DPY19L1: variants seen among roughly 807,000 people sequenced by gnomAD.
DPY19L1 encodes dpy-19 like C-mannosyltransferase 1, also known as protein C-mannosyl-transferase DPY19L1.
A neutral mutation model predicts 96.9 loss-of-function variants in DPY19L1; 35 were observed. That is an observed-to-expected ratio of 0.36 (90% confidence interval 0.28 to 0.48). The LOEUF is 0.48. Among genes scored for constraint, DPY19L1 ranks in the 20% least tolerant of loss-of-function variants. The probability of loss-of-function intolerance (pLI) is 0.99; values close to 1 mark genes in which losing one functional copy is unlikely to be tolerated. For synonymous variants in DPY19L1, 205 were observed against 252.6 expected, an observed-to-expected ratio of 0.81 and a Z score of 1.79; for missense variants, 521 against 777.9, an observed-to-expected ratio of 0.67 and a Z score of 3.93.
At chr7:34,976,950 AT>A (rs376435654) in intron 7 of DPY19L1, among the ~76,000 whole-genome samples, 39,896 of 150,024 alleles carry the variant, frequency 0.27, 5,428 homozygotes, top group Non-Finnish European at 0.31. Context: ...CACCCAGCTA[AT>A]TTTTTTTTTG....
At chr7:34,965,245 A>T (rs1300330882) in intron 10 of DPY19L1, among the ~76,000 whole-genome samples, 2 of 152,130 alleles carry the variant, frequency 1.3e-5, no homozygotes, top group Non-Finnish European at 2.9e-5. Context: ...AGAGAACCTA[A>T]ATGTCCTTCA....
At chr7:34,998,473 A>T (rs771875929) in intron 6 of DPY19L1, among the ~76,000 whole-genome samples, 19 of 152,216 alleles carry the variant, frequency 1.2e-4, no homozygotes, top group Admixed American at 1.2e-3. Flanking sequence ...TGCCTCAGAA[A>T]GTGTGTGCTC....
rs893229484 is a variant in DPY19L1 at position 35,006,090 on chromosome 7, T to C, written c.764+4378A>G. On this transcript the variant is annotated intron_variant, in intron 6 of 21. Coordinates refer to ENST00000638088, the MANE Select transcript of DPY19L1 (RefSeq NM_001366673.1). ...AGTCAGAGTATTTCTGGCACCCTTT[T>C]CAAAAGAGAAAGAAAAAATCTCCTG... 1.6e-4 allele frequency among the ~76,000 whole-genome samples: 24 copies of C among 152,292 alleles called. 1 individual carries two copies. The highest frequency in any genetic ancestry group is 6.8e-3 in the Middle Eastern group (2 of 294).
In DPY19L1 at chr7:34,959,919, A is replaced by ATT. The variant is rs1562806936; in HGVS notation, c.1093-1850_1093-1849insAA. Reference sequence around the variant, plus strand: ...TATAAATATATATATATATATATATATATATTTATATATATATATATATAT... The same window carrying ATT: ...TATAAATATATATATATATATATATATTTATATTTATATATATATATATATAT... On this transcript the variant is annotated intron_variant, in intron 10 of 21. Coordinates refer to ENST00000638088, the MANE Select transcript of DPY19L1 (RefSeq NM_001366673.1). Among the ~76,000 whole-genome samples, 49 of 15,580 alleles carry ATT rather than the reference A, an allele frequency of 3.1e-3. 2 individuals carry two copies. The highest frequency in any genetic ancestry group is 0.038 in the Middle Eastern group (1 of 26). The allele number at this position is 15,580 out of a possible 152,430, so 10.2% of individuals were successfully genotyped here.
At chr7:34,968,552 C>A (rs968323583) in intron 9 of DPY19L1, among the ~76,000 whole-genome samples, 17 of 151,982 alleles carry the variant, frequency 1.1e-4, no homozygotes, top group African/African-American at 4.1e-4. Context: ...GGGTGGATCA[C>A]GAAGTCAGGA....
intron 7 of DPY19L1, among the ~76,000 whole-genome samples, chr7:34,976,307 C>T (rs1784828549): frequency 6.6e-6 from 1 of 152,122 alleles, no homozygotes; most frequent in South Asian, 2.1e-4. Context: ...GAAGTAACTG[C>T]AGATGTGATG....
chr7:35,036,798 G>C (rs1389983974), intron 1 of DPY19L1, among the ~76,000 whole-genome samples: 1 of 152,030 alleles, frequency 6.6e-6, no homozygotes. Context: ...CGTTAGCGCA[G>C]ACCTGCTGCC....
chr7:35,026,649 A>G (rs1036537641), intron 1 of DPY19L1, among the ~76,000 whole-genome samples: 3 of 152,220 alleles, frequency 2.0e-5, no homozygotes, highest in Non-Finnish European at 4.4e-5. Flanking sequence ...ACAATCCAGG[A>G]GTAAGATGAC....
rs34797472 is a variant in DPY19L1, at chr7:34,943,634, A to AT, written c.1545-996dup. ...TAGCTATGCAAAATAAAATGTCAAC[A>AT]TGCCACTCCTCTTCCAAAAAAGAGC... On this transcript the variant is annotated intron_variant, in intron 16 of 21. Transcript: ENST00000638088. Among the ~76,000 whole-genome samples, 516 of 152,268 alleles carry AT rather than the reference A, an allele frequency of 3.4e-3. 2 individuals carry two copies. The highest frequency in any genetic ancestry group is 5.9e-3 in the Non-Finnish European group (399 of 68,004).
At chr7:34,960,813 T>C (rs1784486126) in intron 10 of DPY19L1, among the ~76,000 whole-genome samples, 1 of 152,208 alleles carries the variant, frequency 6.6e-6, no homozygotes, top group African/African-American at 2.4e-5. Context: ...ACACCAAAAA[T>C]AGATGTTGAC....
At chr7:35,002,277 C>T (rs1213084839) in intron 6 of DPY19L1, among the ~76,000 whole-genome samples, 1 of 151,578 alleles carries the variant, frequency 6.6e-6, no homozygotes, top group African/African-American at 2.4e-5. Flanking sequence ...AAATAAAATA[C>T]TATTTTTTAA....
chr7:34,962,458 T>G (rs71537656), intron 10 of DPY19L1, among the ~76,000 whole-genome samples: 8,929 of 152,146 alleles, frequency 0.059, 359 homozygotes, highest in Middle Eastern at 0.18. Flanking sequence ...GAGGGATGAA[T>G]AGGTGGAGCA....
chr7:34,992,324 T>G (rs754393615), intron 6 of DPY19L1, among the ~76,000 whole-genome samples: 2 of 152,290 alleles, frequency 1.3e-5, no homozygotes, highest in Non-Finnish European at 2.9e-5. Context: ...TACTTAAAAA[T>G]TAAGGTTATC....
intron 8 of DPY19L1, among the ~76,000 whole-genome samples, chr7:34,973,154 G>C (rs775791791): frequency 1.3e-5 from 2 of 152,140 alleles, no homozygotes; most frequent in Non-Finnish European, 2.9e-5. Flanking sequence ...TGCCCCAAAG[G>C]ATTGTATCTT....
intron 15 of DPY19L1, among the ~76,000 whole-genome samples, chr7:34,947,022 C>T (rs1562802026): frequency 1.3e-5 from 2 of 152,210 alleles, no homozygotes; most frequent in Non-Finnish European, 2.9e-5. Flanking sequence ...TCTCTTTTTC[C>T]ATCACAGATT....
intron 7 of DPY19L1, among the ~76,000 whole-genome samples, chr7:34,981,811 C>T (rs749214270): frequency 3.6e-4 from 54 of 152,018 alleles, no homozygotes; most frequent in Non-Finnish European, 1.0e-4. Flanking sequence ...ATTAGCCAGG[C>T]GTGGTGGCAC....
chr7:34,981,740 C>T (rs953659969), intron 7 of DPY19L1, among the ~76,000 whole-genome samples: 1 of 152,124 alleles, frequency 6.6e-6, no homozygotes, highest in Non-Finnish European at 1.5e-5. Flanking sequence ...CACGTGAGGC[C>T]AGGAGTTCAA....
intron 10 of DPY19L1, among the ~76,000 whole-genome samples, chr7:34,962,595 G>A (rs934292782): frequency 6.6e-6 from 1 of 152,160 alleles, no homozygotes; most frequent in Non-Finnish European, 1.5e-5. Flanking sequence ...ACTTTGGGAG[G>A]CCAAGGCAGA....
At chr7:35,035,983 C>G (rs534497789) in intron 1 of DPY19L1, among the ~76,000 whole-genome samples, 13 of 151,788 alleles carry the variant, frequency 8.6e-5, no homozygotes, top group South Asian at 2.1e-4. Flanking sequence ...CTTGGTTTTT[C>G]TAGGCTTGAA....
Sources: allele counts gnomAD v4.1 joint callset (sites outside exome capture counted in the v4.1 genomes callset), GRCh38; gene constraint gnomAD v4.1.1; transcripts MANE v1.5; gene names NCBI Gene and HGNC (gene_info 2026-07-23, HGNC 2026-07-21).